Variants in CMSS1 observed in about 807,000 individuals in gnomAD.
The protein encoded by CMSS1 is cms1 ribosomal small subunit homolog, also known as protein CMSS1.
In CMSS1, 33 loss-of-function variants were observed where a neutral mutation model predicts 43.5. The observed-to-expected ratio is 0.76, with a 90% confidence interval of 0.57 to 1.01. The LOEUF (loss-of-function observed/expected upper bound fraction) is 1.01, where lower values mean the gene tolerates loss of function less well. CMSS1 is among the 50% of genes least tolerant of loss of function. CMSS1 has a pLI of 0.00. For synonymous variants in CMSS1, 115 were observed against 117.2 expected, an observed-to-expected ratio of 0.98 and a Z score of 0.12; for missense variants, 313 against 326.4, an observed-to-expected ratio of 0.96 and a Z score of 0.32.
At chr3:100,031,701 CG>C (rs2065025126) in intron 1 of CMSS1, among the ~76,000 whole-genome samples, 1 of 151,996 alleles carries the variant, frequency 6.6e-6, no homozygotes, top group Admixed American at 6.6e-5. Flanking sequence ...TGAGGATCTA[CG>C]ACAAGAAGGC....
At chr3:99,907,244 A>C (rs1372388393) in intron 1 of CMSS1, among the ~76,000 whole-genome samples, 1 of 151,362 alleles carries the variant, frequency 6.6e-6, no homozygotes, top group Non-Finnish European at 1.5e-5. Context: ...TTACCCTTTT[A>C]ATTTTCTTTT....
intron 1 of CMSS1, among the ~76,000 whole-genome samples, chr3:100,011,418 A>C (rs966595685): frequency 2.0e-5 from 3 of 152,156 alleles, no homozygotes; most frequent in Non-Finnish European, 4.4e-5. Flanking sequence ...AACTTAATAA[A>C]AAGATATAAT....
At chr3:99,962,800 C>G (rs773564638) in intron 1 of CMSS1, among the ~76,000 whole-genome samples, 1 of 152,140 alleles carries the variant, frequency 6.6e-6, no homozygotes, top group Non-Finnish European at 1.5e-5. Context: ...TTGGCTGCAG[C>G]CCCTAAGAAC....
At position 99,929,871 on chromosome 3, in the gene CMSS1, C is replaced by T. The variant is rs771024324; in HGVS notation, c.64+111828C>T. 16 of 1,612,514 alleles carry T rather than the reference C, an allele frequency of 9.9e-6. No individual in the cohort carries two copies. In the African/African-American group the frequency reaches 2.0e-4, roughly 20 times the overall value. On this transcript the variant is annotated intron_variant, in intron 1 of 9. Coordinates refer to ENST00000421999, the MANE Select transcript of CMSS1 (RefSeq NM_032359.4). ...TGGTACATACCTCATTCATTGGTTT[C>T]TCATAGATGTCCTCCTGCCAAGGGG...
chr3:100,106,858 T>C (rs115114048), intron 1 of CMSS1, among the ~76,000 whole-genome samples: 1,858 of 152,302 alleles, frequency 0.012, 24 homozygotes, highest in African/African-American at 0.028. Flanking sequence ...GGTTATATTG[T>C]TGCTTTTTAA....
intron 7 of CMSS1, 31 bp from the exon 8 acceptor site, chr3:100,172,285 C>T: frequency 2.5e-6 from 4 of 1,595,474 alleles, no homozygotes; most frequent in Non-Finnish European, 2.6e-6. Context: ...TAATGACTTC[C>T]TTTTCTTTCT....
chr3:99,962,681 G>A (rs1286874831), intron 1 of CMSS1, among the ~76,000 whole-genome samples: 1 of 152,200 alleles, frequency 6.6e-6, no homozygotes, highest in Non-Finnish European at 1.5e-5. Context: ...TCCTGTTACA[G>A]TAAGAAATAG....
chr3:99,955,166 T>C (rs1355165354), intron 1 of CMSS1, among the ~76,000 whole-genome samples: 1 of 152,172 alleles, frequency 6.6e-6, no homozygotes, highest in Non-Finnish European at 1.5e-5. Context: ...ATTCTAGCAA[T>C]GGGGTGCTGT....
chr3:100,140,891 G>A (rs1368030685), intron 1 of CMSS1, among the ~76,000 whole-genome samples: 4 of 152,020 alleles, frequency 2.6e-5, no homozygotes, highest in African/African-American at 9.7e-5. Context: ...CAGCAATTCT[G>A]AAAATTGGTA....
intron 1 of CMSS1, among the ~76,000 whole-genome samples, chr3:100,029,471 A>G (rs1302047116): frequency 1.3e-5 from 2 of 152,160 alleles, no homozygotes; most frequent in African/African-American, 4.8e-5. Context: ...TTGCCAAGTT[A>G]CTATCACATT....
intron 1 of CMSS1, among the ~76,000 whole-genome samples, chr3:100,111,333 A>T (rs1269411620): frequency 6.6e-6 from 1 of 152,138 alleles, no homozygotes; most frequent in Non-Finnish European, 1.5e-5. Flanking sequence ...ATTTTTCTAG[A>T]ACTTTATTTA....
intron 1 of CMSS1, among the ~76,000 whole-genome samples, chr3:100,012,494 G>A (rs1476335039): frequency 6.6e-6 from 1 of 152,084 alleles, no homozygotes; most frequent in Non-Finnish European, 1.5e-5. Flanking sequence ...AGAGCCTTAA[G>A]GACTACATAT....
chr3:100,052,263 C>A (rs557556834), intron 1 of CMSS1, among the ~76,000 whole-genome samples: 42 of 152,252 alleles, frequency 2.8e-4, no homozygotes, highest in African/African-American at 1.0e-3. Context: ...TTTGCATGAG[C>A]AGACATGGCA....
chr3:99,919,303 C>T (rs1057141368), intron 1 of CMSS1, among the ~76,000 whole-genome samples: 1 of 151,300 alleles, frequency 6.6e-6, no homozygotes, highest in Non-Finnish European at 1.5e-5. Flanking sequence ...CTCATAATGC[C>T]TTAGAAGAAT....
intron 1 of CMSS1, among the ~76,000 whole-genome samples, chr3:99,952,353 AT>A (rs1325760777): frequency 1.3e-5 from 2 of 152,182 alleles, no homozygotes; most frequent in African/African-American, 4.8e-5. Context: ...CAATTCAAAC[AT>A]TTTCCTCAGC....
chr3:99,864,217 T>C (rs114017145), intron 1 of CMSS1, among the ~76,000 whole-genome samples: 3,418 of 152,120 alleles, frequency 0.022, 69 homozygotes, highest in Middle Eastern at 0.055. Flanking sequence ...CATGCATTTA[T>C]TTTCTTAGTT....
intron 4 of CMSS1, among the ~76,000 whole-genome samples, chr3:100,162,883 A>G (rs564398036): frequency 3.3e-5 from 5 of 152,220 alleles, no homozygotes; most frequent in African/African-American, 1.2e-4. Context: ...GCTGAGGCAG[A>G]AGAATCACTT....
chr3:100,121,649 C>T (rs2066623126), intron 1 of CMSS1, among the ~76,000 whole-genome samples: 1 of 152,068 alleles, frequency 6.6e-6, no homozygotes, highest in African/African-American at 2.4e-5. Flanking sequence ...GGTATATGCC[C>T]GGTAATGGGA....
At chr3:99,937,512 A>G (rs1374297120) in intron 1 of CMSS1, among the ~76,000 whole-genome samples, 1 of 152,250 alleles carries the variant, frequency 6.6e-6, no homozygotes, top group African/African-American at 2.4e-5. Context: ...CTGGTCTTAA[A>G]TCACAGCTCC....
Sources: gnomAD v4.1 joint callset for allele counts (sites outside exome capture counted in the v4.1 genomes callset) on GRCh38, gnomAD v4.1.1 for gene constraint, MANE v1.5 for transcripts, NCBI Gene and HGNC (gene_info 2026-07-23, HGNC 2026-07-21) for gene names.